Variants in TTC3 observed in about 807,000 individuals in gnomAD.
TTC3 encodes E3 ubiquitin-protein ligase TTC3.
A neutral mutation model predicts 249.6 loss-of-function variants in TTC3; 180 were observed. The ratio of observed to expected loss-of-function variants is 0.72; its 90% CI spans 0.64 to 0.82. TTC3 has a LOEUF of 0.82. Among genes scored for constraint, TTC3 ranks in the 40% least tolerant of loss-of-function variants. The pLI, the probability that TTC3 is intolerant of heterozygous loss-of-function variation, is 0.00. For missense variants in TTC3, 2,061 were observed against 2,398.4 expected (o/e 0.86, Z 2.94); for synonymous variants, 717 against 805.0 (o/e 0.89, Z 1.85).
chr21:37,113,022 G>A (rs1304157204), intron 11 of TTC3, among the ~76,000 whole-genome samples: 1 of 152,168 alleles, frequency 6.6e-6, no homozygotes, highest in Non-Finnish European at 1.5e-5. Flanking sequence ...CAGTAAATTA[G>A]GTATTGATGG....
intron 1 of TTC3, chr21:37,083,106 A>G: frequency 3.0e-6 from 3 of 985,420 alleles, no homozygotes; most frequent in Non-Finnish European, 3.6e-6. Context: ...GTTTACAGAG[A>G]AGAGGTGCAA....
exon 21 of TTC3, chr21:37,144,621 A>C: frequency 6.2e-7 from 1 of 1,611,160 alleles, no homozygotes; most frequent in Non-Finnish European, 8.5e-7. Flanking sequence ...TGATTATTGA[A>C]GAGTCTCAGC....
At chr21:37,132,369 C>T (rs1052386595) in intron 16 of TTC3, among the ~76,000 whole-genome samples, 13 of 149,468 alleles carry the variant, frequency 8.7e-5, no homozygotes, top group African/African-American at 2.7e-4. Flanking sequence ...CTTGCTCTGT[C>T]GCCCAGGCTG....
chr21:37,166,243 C>G (rs199847331), exon 33 of TTC3: 40 of 1,614,160 alleles, frequency 2.5e-5, no homozygotes, highest in Non-Finnish European at 3.3e-5. Context: ...CAGGTTTGCC[C>G]CAGTACACCA....
chr21:37,118,958 C>T (rs1261027551), intron 11 of TTC3, among the ~76,000 whole-genome samples: 1 of 152,104 alleles, frequency 6.6e-6, no homozygotes, highest in Admixed American at 6.6e-5. Flanking sequence ...ACCTCTTGAA[C>T]ACATAGGGGA....
chr21:37,153,520 T>A lies in TTC3; in HGVS notation c.2740+243T>A, dbSNP rs982179647. Among the ~76,000 whole-genome samples the A allele has an allele frequency of 4.6e-5, 7 of 152,046 alleles. No homozygotes were observed. The East Asian group carries it at 9.6e-4, about 21-fold the overall frequency. ...AAGACCTGTCTCTAAAAGAATTTTTTAAAAAAAGAACTAAATATATGAAGG... is the reference window on the plus strand; with the variant it reads ...AAGACCTGTCTCTAAAAGAATTTTTAAAAAAAAGAACTAAATATATGAAGG... On this transcript the variant is annotated intron_variant, in intron 27 of 45. Coordinates refer to ENST00000355666, the Ensembl canonical transcript of TTC3.
exon 3 of TTC3, chr21:37,087,853 T>C: frequency 1.3e-6 from 2 of 1,598,038 alleles, no homozygotes; most frequent in South Asian, 1.1e-5. Context: ...ATAAAGATTA[T>C]ATCCAAAGTG....
chr21:37,111,797 A>C lies in TTC3; in HGVS notation c.900+3351A>C, dbSNP rs1262041936. On this transcript the variant is annotated intron_variant, in intron 11 of 45. Coordinates refer to ENST00000355666, the Ensembl canonical transcript of TTC3. ...ATTCCAAAATTGACCGCATAGTTGG[A>C]AGTAAAGCACTCCTCAGCAAATGTA... Among the ~76,000 whole-genome samples, 6 of 152,310 alleles carry C rather than the reference A, an allele frequency of 3.9e-5. No individual in the cohort carries two copies. In the East Asian group the frequency reaches 1.2e-3, roughly 29 times the overall value.
chr21:37,159,416 G>A lies in TTC3; in HGVS notation c.2993-283G>A, dbSNP rs1016250751. On this transcript the variant is annotated intron_variant, in intron 28 of 45. Coordinates refer to ENST00000355666, the Ensembl canonical transcript of TTC3. ...AGAACAGGAGTTCATCAATGGTAGGGACTGTCTTGTGCATCTCTATTCCCA... is the reference window on the plus strand; with the variant it reads ...AGAACAGGAGTTCATCAATGGTAGGAACTGTCTTGTGCATCTCTATTCCCA... 5 of 341,946 alleles carry A rather than the reference G, an allele frequency of 1.5e-5. No individual in the cohort carries two copies. In the Middle Eastern group the frequency reaches 2.3e-3, roughly 154 times the overall value. 21.2% of individuals were successfully genotyped at this position (341,946 alleles called of 1,614,324 possible).
intron 11 of TTC3, 147 bp downstream of exon 11, chr21:37,108,593 T>G: frequency 6.9e-5 from 53 of 770,036 alleles, no homozygotes; most frequent in East Asian, 2.0e-4. Flanking sequence ...AGATCCATGA[T>G]CAGCGTGGGG....
chr21:37,185,663 A>G (rs770083709), intron 36 of TTC3, 43 bp from the exon 37 acceptor site: 11 of 1,353,136 alleles, frequency 8.1e-6, no homozygotes, highest in African/African-American at 1.5e-5. Flanking sequence ...CCTGTTAAAA[A>G]TTTTTCAAAA....
chr21:37,095,137 ATGTGTGTGTG>A (rs57682889), intron 8 of TTC3, among the ~76,000 whole-genome samples: 11 of 147,596 alleles, frequency 7.5e-5, no homozygotes, highest in African/African-American at 2.2e-4. Flanking sequence ...CTCTAAAAAT[ATGTGTGTGTG>A]TGTGTGTGTG....
intron 35 of TTC3, 104 bp downstream of exon 35, chr21:37,172,848 T>TGCATTCTGAG: frequency 7.5e-7 from 1 of 1,329,982 alleles, no homozygotes; most frequent in South Asian, 1.5e-5. Context: ...CATTGGTGGC[T>TGCATTCTGAG]AAACAAAAGA....
At chr21:37,163,588 G>A (rs1005001224) in intron 31 of TTC3, among the ~76,000 whole-genome samples, 2 of 152,114 alleles carry the variant, frequency 1.3e-5, no homozygotes, top group Admixed American at 6.5e-5. Context: ...GACCTCAAGT[G>A]ATCTGCCTGC....
intron 30 of TTC3, 71 bp downstream of exon 30, chr21:37,160,929 A>G: frequency 1.4e-6 from 2 of 1,429,282 alleles, no homozygotes; most frequent in Non-Finnish European, 1.9e-6. Flanking sequence ...ATACATTAGA[A>G]TTGAGCAATT....
intron 23 of TTC3, among the ~76,000 whole-genome samples, chr21:37,148,957 GGGATTATA>G: frequency 6.6e-6 from 1 of 152,192 alleles, no homozygotes; most frequent in South Asian, 2.1e-4. Flanking sequence ...CCAAAGTGCT[GGGATTATA>G]GGCATGAGCC....
chr21:37,078,271 T>G (rs549020404), intron 1 of TTC3, among the ~76,000 whole-genome samples: 2 of 152,346 alleles, frequency 1.3e-5, no homozygotes, highest in Admixed American at 1.3e-4. Context: ...AATCTCGGTA[T>G]CTGGGGAGGA....
At chr21:37,090,382 G>A (rs1392906396) in intron 6 of TTC3, 96 bp downstream of exon 6, 5 of 1,168,980 alleles carry the variant, frequency 4.3e-6, no homozygotes, top group South Asian at 1.4e-5. Context: ...TACACTCAAT[G>A]TTCTATATGT....
At chr21:37,093,962 A>T (rs1601352871) in intron 7 of TTC3, 43 bp from the exon 8 acceptor site, 2 of 1,336,730 alleles carry the variant, frequency 1.5e-6, no homozygotes, top group Non-Finnish European at 2.1e-6. Flanking sequence ...GTTTTTTTTT[A>T]AACAAATGTT....
Sources: gnomAD v4.1 joint callset for allele counts (sites outside exome capture counted in the v4.1 genomes callset) on GRCh38, gnomAD v4.1.1 for gene constraint, MANE v1.5 for transcripts, NCBI Gene and HGNC (gene_info 2026-07-23, HGNC 2026-07-21) for gene names.